The following LMBRD1 variants were observed in gnomAD, a reference collection of about 807,000 sequenced individuals.
The protein encoded by LMBRD1 is lysosomal cobalamin transport escort protein LMBD1.
LMBRD1 carries 64 observed loss-of-function variants against 74.8 expected under a neutral mutation model. The observed-to-expected ratio is 0.86, with a 90% confidence interval of 0.70 to 1.05. The LOEUF (loss-of-function observed/expected upper bound fraction) is 1.05. Ranked by LOEUF, LMBRD1 falls within the 50% of genes least tolerant of loss-of-function variation. LMBRD1 has a pLI of 0.00. For synonymous variants in LMBRD1, 204 were observed against 216.3 expected (o/e 0.94, Z 0.50); for missense variants, 652 against 645.9 (o/e 1.01, Z -0.10).
intron 7 of LMBRD1, among the ~76,000 whole-genome samples, chr6:69,730,068 G>T (rs1223911027): frequency 6.6e-6 from 1 of 151,772 alleles, no homozygotes. Flanking sequence ...AAACTAAAGA[G>T]ATTGTATAGT....
At chr6:69,717,616 T>C (rs1049572650) in intron 8 of LMBRD1, among the ~76,000 whole-genome samples, 1 of 152,236 alleles carries the variant, frequency 6.6e-6, no homozygotes, top group Non-Finnish European at 1.5e-5. Context: ...GTATCATGTT[T>C]GCATTTCTGA....
intron 9 of LMBRD1, among the ~76,000 whole-genome samples, chr6:69,713,262 A>G (rs913881344): frequency 1.3e-5 from 2 of 152,122 alleles, no homozygotes; most frequent in Non-Finnish European, 2.9e-5. Flanking sequence ...CACCATACAC[A>G]AAAACCAAAT....
chr6:69,716,848 GTTAGA>G (rs1266526904), intron 8 of LMBRD1, among the ~76,000 whole-genome samples: 22 of 147,318 alleles, frequency 1.5e-4, no homozygotes, highest in African/African-American at 4.6e-4. Context: ...GAGGTAAACT[GTTAGA>G]TTAAACTTTA....
At chr6:69,791,927 A>C (rs1766097380) in intron 1 of LMBRD1, among the ~76,000 whole-genome samples, 1 of 152,228 alleles carries the variant, frequency 6.6e-6, no homozygotes, top group African/African-American at 2.4e-5. Context: ...CACTGGACCC[A>C]ACATGGCAAT....
intron 5 of LMBRD1, among the ~76,000 whole-genome samples, chr6:69,747,146 T>C (rs1767253675): frequency 6.6e-6 from 1 of 151,804 alleles, no homozygotes; most frequent in Non-Finnish European, 1.5e-5. Context: ...AGCAAGGGAA[T>C]TAGTGTTAAA....
intron 6 of LMBRD1, 145 bp from the exon 7 acceptor site, chr6:69,738,160 C>G (rs1434463479): frequency 3.5e-6 from 2 of 570,492 alleles, no homozygotes; most frequent in Non-Finnish European, 6.2e-6. Flanking sequence ...GAAGTGCTAA[C>G]TCCAAGTGGA....
At chr6:69,784,391 A>G (rs1765900014) in intron 2 of LMBRD1, among the ~76,000 whole-genome samples, 1 of 152,200 alleles carries the variant, frequency 6.6e-6, no homozygotes, top group Admixed American at 6.5e-5. Context: ...CAAAACTCCA[A>G]AATGATTCTC....
intron 7 of LMBRD1, among the ~76,000 whole-genome samples, chr6:69,723,097 A>G (rs1766652401): frequency 6.6e-6 from 1 of 152,208 alleles, no homozygotes; most frequent in Admixed American, 6.5e-5. Flanking sequence ...ATCATTATAT[A>G]GTGATAAGGG....
chr6:69,695,610 T>C (rs1765978787), intron 14 of LMBRD1, among the ~76,000 whole-genome samples: 1 of 152,202 alleles, frequency 6.6e-6, no homozygotes, highest in Non-Finnish European at 1.5e-5. Context: ...GTAAATGCTA[T>C]GCAAATAGTT....
chr6:69,714,047 G>A (rs1766441521), intron 8 of LMBRD1, among the ~76,000 whole-genome samples: 1 of 151,960 alleles, frequency 6.6e-6, no homozygotes, highest in Non-Finnish European at 1.5e-5. Flanking sequence ...GAGTTATGTG[G>A]AGAGAGATAA....
intron 7 of LMBRD1, among the ~76,000 whole-genome samples, chr6:69,732,991 C>T (rs1365831054): frequency 6.6e-6 from 1 of 152,178 alleles, no homozygotes; most frequent in African/African-American, 2.4e-5. Context: ...CTAAAGCTCA[C>T]TGTCCAATTA....
chr6:69,677,267 A>G (rs1765565410), intron 14 of LMBRD1, among the ~76,000 whole-genome samples: 1 of 152,156 alleles, frequency 6.6e-6, no homozygotes, highest in Non-Finnish European at 1.5e-5. Flanking sequence ...GTCTTTCTAC[A>G]CAGCATCCCC....
chr6:69,718,495 C>T (rs765334432), intron 8 of LMBRD1, among the ~76,000 whole-genome samples: 2 of 152,104 alleles, frequency 1.3e-5, no homozygotes, highest in Non-Finnish European at 2.9e-5. Flanking sequence ...CTATAAAGAA[C>T]TACTCGAGAC....
chr6:69,783,472 C>G (rs1423215066), intron 2 of LMBRD1, among the ~76,000 whole-genome samples: 1 of 152,182 alleles, frequency 6.6e-6, no homozygotes, highest in African/African-American at 2.4e-5. Context: ...TTCCCAGGCT[C>G]AGGTGATCCT....
intron 3 of LMBRD1, among the ~76,000 whole-genome samples, chr6:69,756,194 C>G (rs1765263276): frequency 6.6e-6 from 1 of 151,966 alleles, no homozygotes; most frequent in South Asian, 2.1e-4. Flanking sequence ...GATCCCGTCT[C>G]TACTAAAAAT....
At chr6:69,702,046 G>A in intron 9 of LMBRD1, 93 bp from the exon 10 acceptor site, 2 of 761,320 alleles carry the variant, frequency 2.6e-6, no homozygotes, top group African/African-American at 1.8e-5. Flanking sequence ...GCTAGAATAT[G>A]ACAATGATCT....
At chr6:69,744,819 T>C (rs1258195151) in intron 5 of LMBRD1, among the ~76,000 whole-genome samples, 1 of 152,112 alleles carries the variant, frequency 6.6e-6, no homozygotes. Flanking sequence ...AAAATCCTCT[T>C]GCAATACATC....
intron 5 of LMBRD1, among the ~76,000 whole-genome samples, chr6:69,743,366 A>G (rs558896325): frequency 1.3e-5 from 2 of 152,342 alleles, no homozygotes; most frequent in South Asian, 4.1e-4. Context: ...AAAACTCAGT[A>G]TGTCAGTTTT....
rs150831620 is a variant in LMBRD1, at chr6:69,790,441, C to T, written c.101G>A (p.Arg34His). 69 of 1,613,790 alleles carry T rather than the reference C, an allele frequency of 4.3e-5. No individual in the cohort carries two copies. The highest frequency in any genetic ancestry group is 5.5e-5 in the Non-Finnish European group (65 of 1,179,926). ...ACTTTCCCGCCGACTTTGGTATTTA[C>T]GAACATATATCCAGCAGAATGCCAA... ...AILAFCWIYV[R>H]KYQSRRESEV... Residue 34 changes from arginine (R) to histidine (H), a missense_variant, in exon 2 of 16, where the codon CGT becomes CAT. Arg to His is a conservative substitution (Grantham distance 29, BLOSUM62 0). This residue lies in a region of LMBRD1 where 598 missense variants were observed against 581.8 expected (regional missense o/e 1.03). Coordinates refer to ENST00000649934, the MANE Select transcript of LMBRD1 (RefSeq NM_018368.4).
Sources: gnomAD v4.1 joint callset for allele counts (sites outside exome capture counted in the v4.1 genomes callset) on GRCh38, gnomAD v4.1.1 for gene constraint, gnomAD v4.1.1 regional missense constraint, MANE v1.5 for transcripts, NCBI Gene and HGNC (gene_info 2026-07-23, HGNC 2026-07-21) for gene names.